Variants in PLEKHG4B observed in about 807,000 individuals in gnomAD.
PLEKHG4B encodes pleckstrin homology and RhoGEF domain containing G4B.
A neutral mutation model predicts 121.3 loss-of-function variants in PLEKHG4B; 111 were observed. The ratio of observed to expected loss-of-function variants is 0.92; its 90% CI spans 0.78 to 1.07. PLEKHG4B has a LOEUF of 1.07. PLEKHG4B is among the 50% of genes least tolerant of loss of function. The pLI is 0.00. For synonymous variants in PLEKHG4B, 738 were observed against 725.0 expected, an observed-to-expected ratio of 1.02 and a Z score of -0.29; for missense variants, 1,831 against 1,757.8, an observed-to-expected ratio of 1.04 and a Z score of -0.74.
At position 156,802 on chromosome 5, in the gene PLEKHG4B, A is replaced by T. The variant is rs750630834; in HGVS notation, c.2378A>T (p.Tyr793Phe). The change falls in exon 11 of 20, where the codon TAC becomes TTC. Residue 793 changes from tyrosine (Y) to phenylalanine (F), a missense_variant. Transcript: ENST00000637938. The surrounding 1 kb of genome is among the most constrained non-coding windows in gnomAD (Gnocchi z 4.4). ...ACCCTGGAGGCCGCCACAAGCCTGTACGACCGAGTGGATGAGGAGGTGCAC... is the reference window on the plus strand; with the variant it reads ...ACCCTGGAGGCCGCCACAAGCCTGTTCGACCGAGTGGATGAGGAGGTGCAC... ...RDTLEAATSL[Y>F]DRVDEEVHRL... 6.4e-7 allele frequency: 1 copy of T among 1,572,822 alleles called. No individual in the cohort carries two copies. Among genetic ancestry groups the T allele is most frequent in the Non-Finnish European group, 8.6e-7 (1 of 1,159,238 alleles).
intron 6 of PLEKHG4B, among the ~76,000 whole-genome samples, chr5:149,669 C>T (rs1214981972): frequency 6.6e-6 from 1 of 152,074 alleles, no homozygotes; most frequent in African/African-American, 2.4e-5. Context: ...TCCTAAAATT[C>T]AACAACAACA....
chr5:187,991 C>G lies in PLEKHG4B; in HGVS notation c.*5668C>G, dbSNP rs1481582245. On this transcript the variant is annotated 3_prime_UTR_variant, in exon 20 of 20. Transcript: ENST00000637938. Reference sequence around the variant, plus strand: ...ATTCCTTTGTCAGGAGCAGCTCCCCCAGGATCCAGGCATCCCTGGCCCCCC... The same window carrying G: ...ATTCCTTTGTCAGGAGCAGCTCCCCGAGGATCCAGGCATCCCTGGCCCCCC... The G allele has an allele frequency of 1.3e-5, 2 of 152,480 alleles. No homozygotes were observed. Among genetic ancestry groups the G allele is most frequent in the African/African-American group, 4.8e-5 (2 of 41,454 alleles). 9.4% of individuals were successfully genotyped at this position (152,480 alleles called of 1,614,324 possible).
At chr5:133,089 C>A (rs968774516) in intron 2 of PLEKHG4B, among the ~76,000 whole-genome samples, 4 of 152,052 alleles carry the variant, frequency 2.6e-5, no homozygotes, top group African/African-American at 9.7e-5. Flanking sequence ...TCTAGTTTTC[C>A]TTGTAGAGGT....
At chr5:122,988 C>T (rs945532195) in intron 2 of PLEKHG4B, among the ~76,000 whole-genome samples, 1 of 152,118 alleles carries the variant, frequency 6.6e-6, no homozygotes, top group African/African-American at 2.4e-5. Context: ...CTCAGCAATT[C>T]ATAGAACAAT....
intron 6 of PLEKHG4B, among the ~76,000 whole-genome samples, chr5:148,146 T>C (rs1334487309): frequency 6.6e-6 from 1 of 151,726 alleles, no homozygotes; most frequent in African/African-American, 2.4e-5. Flanking sequence ...AAAACTGAAA[T>C]CTTCTCATCT....
intron 2 of PLEKHG4B, among the ~76,000 whole-genome samples, chr5:134,302 A>G (rs1014239555): frequency 1.3e-5 from 2 of 151,546 alleles, no homozygotes; most frequent in African/African-American, 4.8e-5. Flanking sequence ...GAATAATACA[A>G]TAGACTTTGG....
In PLEKHG4B at chr5:113,497, C is replaced by T. The variant is rs1403647841; in HGVS notation, c.243+49C>T. On this transcript the variant is annotated intron_variant, in intron 2 of 19. Coordinates refer to ENST00000637938, the MANE Select transcript of PLEKHG4B (RefSeq NM_052909.5). The surrounding 1 kb of genome is among the most constrained non-coding windows in gnomAD (Gnocchi z 5.2). Reference sequence around the variant, plus strand: ...GAGACCGTGGCCAACCTGGAGGAACCTGCCCTTTCCCTGGGCAGGGCAGGA... The same window carrying T: ...GAGACCGTGGCCAACCTGGAGGAACTTGCCCTTTCCCTGGGCAGGGCAGGA... 5.0e-6 allele frequency: 2 copies of T among 398,864 alleles called. No individual in the cohort carries two copies. The highest frequency in any genetic ancestry group is 8.8e-6 in the Non-Finnish European group (2 of 226,080). The allele number at this position is 398,864 out of a possible 1,614,324, so 24.7% of individuals were successfully genotyped here.
Position 122,555 on chromosome 5 carries a change from G to A in PLEKHG4B, c.243+9107G>A, listed in dbSNP as rs140270128. On this transcript the variant is annotated intron_variant, in intron 2 of 19. Transcript: ENST00000637938. Reference sequence around the variant, plus strand: ...CTGCCTCAGCCTCCCGAATAGCTGGGATTACAGGCATCCACCACCACGCCC... The same window carrying A: ...CTGCCTCAGCCTCCCGAATAGCTGGAATTACAGGCATCCACCACCACGCCC... Among the ~76,000 whole-genome samples, 536 of 152,170 alleles carry A rather than the reference G, an allele frequency of 3.5e-3. 8 individuals carry two copies. The highest frequency in any genetic ancestry group is 0.012 in the African/African-American group (511 of 41,516).
chr5:146,626 T>G (rs1397159524), intron 6 of PLEKHG4B, among the ~76,000 whole-genome samples: 5 of 66,766 alleles, frequency 7.5e-5, no homozygotes, highest in Admixed American at 2.0e-4. Flanking sequence ...AACCCTGCAG[T>G]TCTCCTTCCT....
chr5:184,533 TC>T lies in PLEKHG4B; in HGVS notation c.*2211del, dbSNP rs1328470266. ...TTCATACACACAGAAACTAAGAGTT[TC>T]ATCCCCAGCAGACCTGCACTACAAG... On this transcript the variant is annotated 3_prime_UTR_variant, in exon 20 of 20. Transcript: ENST00000637938. The T allele has an allele frequency of 1.3e-5, 2 of 152,224 alleles. No homozygotes were observed. The highest frequency in any genetic ancestry group is 2.9e-5 in the Non-Finnish European group (2 of 68,048). 9.4% of individuals were successfully genotyped at this position (152,224 alleles called of 1,614,324 possible). A position where few individuals can be genotyped will look rare whatever the true frequency, so the allele number is the denominator to read the frequency against.
In PLEKHG4B at chr5:159,663, G is replaced by C. The variant is rs772694943; in HGVS notation, c.2488-2120G>C. Among the ~76,000 whole-genome samples the C allele has an allele frequency of 5.3e-5, 8 of 152,132 alleles. No homozygotes were observed. The highest frequency in any genetic ancestry group is 1.0e-4 in the Non-Finnish European group (7 of 68,022). On this transcript the variant is annotated intron_variant, in intron 11 of 19. Coordinates refer to ENST00000637938, the MANE Select transcript of PLEKHG4B (RefSeq NM_052909.5). This position sits in a 1 kb window ranked among gnomAD's most constrained non-coding sequence, Gnocchi z 5.5. The stretch of plus-strand genomic sequence containing the variant: ...CCAGAGGCTTTCCTGGCGACCCCTG[G>C]CTAGGAAGCCTGTGGCCCACGCATC...
rs1733638131 is a variant in PLEKHG4B, at chr5:186,731, CGCCTCGACCACCAGT to C, written c.*4414_*4428del. On this transcript the variant is annotated 3_prime_UTR_variant, in exon 20 of 20. Transcript: ENST00000637938. ...GGCCACAGCCCCACAGCGGCCCCCT[CGCCTCGACCACCAGT>C]GCCTCCTTCCAAGCTGCCTGAGCAA... The C allele has an allele frequency of 6.5e-6, 1 of 152,780 alleles. No individual in the cohort carries two copies. The highest frequency in any genetic ancestry group is 1.5e-5 in the Non-Finnish European group (1 of 68,500). 9.5% of individuals were successfully genotyped at this position (152,780 alleles called of 1,614,324 possible).
At chr5:97,040 C>G (rs971947503) in intron 1 of PLEKHG4B, among the ~76,000 whole-genome samples, 2 of 152,236 alleles carry the variant, frequency 1.3e-5, no homozygotes, top group African/African-American at 4.8e-5. Context: ...GACCATTTTC[C>G]TTATTCCAAA....
chr5:173,311 G>A (rs576319399), intron 17 of PLEKHG4B, among the ~76,000 whole-genome samples: 2 of 152,276 alleles, frequency 1.3e-5, no homozygotes, highest in African/African-American at 4.8e-5. Flanking sequence ...AGAAACAAGT[G>A]CCTACTCAGT....
intron 1 of PLEKHG4B, among the ~76,000 whole-genome samples, chr5:94,637 G>A (rs1332690293): frequency 6.6e-6 from 1 of 151,928 alleles, no homozygotes; most frequent in African/African-American, 2.4e-5. Flanking sequence ...TCCTGAAGGT[G>A]TTGGTCCTGG....
chr5:135,361 T>A (rs1309668354), intron 2 of PLEKHG4B, among the ~76,000 whole-genome samples: 1 of 151,712 alleles, frequency 6.6e-6, no homozygotes, highest in African/African-American at 2.4e-5. Flanking sequence ...GTTCATGGAT[T>A]GGAAGACTTA....
chr5:128,153 C>G (rs1346847983), intron 2 of PLEKHG4B, among the ~76,000 whole-genome samples: 1 of 152,208 alleles, frequency 6.6e-6, no homozygotes, highest in Non-Finnish European at 1.5e-5. Context: ...TTAATCTCTT[C>G]AGGACTGGGA....
intron 1 of PLEKHG4B, among the ~76,000 whole-genome samples, chr5:97,586 G>A (rs181102202): frequency 6.6e-6 from 1 of 152,344 alleles, no homozygotes; most frequent in Admixed American, 6.5e-5. Context: ...CACTTAGCAC[G>A]ACGTTTGTGA....
chr5:95,911 A>C (rs1482189426), intron 1 of PLEKHG4B, among the ~76,000 whole-genome samples: 1 of 151,982 alleles, frequency 6.6e-6, no homozygotes, highest in Non-Finnish European at 1.5e-5. Flanking sequence ...GGTGGTGATG[A>C]CCCCACTCCT....
Sources: gnomAD v4.1 joint callset for allele counts (sites outside exome capture counted in the v4.1 genomes callset) on GRCh38, gnomAD v4.1.1 for gene constraint, Gnocchi (gnomAD v3.1) non-coding constraint, MANE v1.5 for transcripts, NCBI Gene and HGNC (gene_info 2026-07-23, HGNC 2026-07-21) for gene names.